Variants in ABCC1 observed in about 807,000 individuals in gnomAD.
ABCC1 encodes the protein multidrug resistance-associated protein 1.
A neutral mutation model predicts 172.9 loss-of-function variants in ABCC1; 83 were observed. The observed-to-expected ratio is 0.48, with a 90% CI of 0.40 to 0.58. The LOEUF (loss-of-function observed/expected upper bound fraction) is 0.58, where lower values mean the gene tolerates loss of function less well. ABCC1 is among the 20% of genes least tolerant of loss of function. ABCC1 has a pLI of 0.00. For synonymous variants in ABCC1, 937 were observed against 825.2 expected (o/e 1.14, Z -2.32); for missense variants, 1,817 against 2,002.7 (o/e 0.91, Z 1.77).
intron 8 of ABCC1, among the ~76,000 whole-genome samples, 164 bp from the exon 9 acceptor site, chr16:16,045,670 GCA>G (rs1401083204): frequency 6.6e-6 from 1 of 152,132 alleles, no homozygotes; most frequent in Non-Finnish European, 1.5e-5. Context: ...TGGGTCACCT[GCA>G]CAGCCAGATC....
intron 1 of ABCC1, among the ~76,000 whole-genome samples, chr16:15,996,682 C>T (rs1457989434): frequency 6.6e-6 from 1 of 152,146 alleles, no homozygotes; most frequent in African/African-American, 2.4e-5. Flanking sequence ...GGTGGAGCAT[C>T]TGTGCAGAAC....
At chr16:16,015,788 A>G (rs1272201134) in intron 4 of ABCC1, among the ~76,000 whole-genome samples, 1 of 152,116 alleles carries the variant, frequency 6.6e-6, no homozygotes. Context: ...TGGGTGCCAT[A>G]ACACTCCCAA....
chr16:16,074,875 C>T (rs539432293), intron 14 of ABCC1, among the ~76,000 whole-genome samples: 1 of 152,050 alleles, frequency 6.6e-6, no homozygotes, highest in African/African-American at 2.4e-5. Context: ...ACAAAAAATA[C>T]TCCTGTATTA....
chr16:16,124,337 G>GTGTGTGTGTGTGTGTA (rs150885815), intron 24 of ABCC1, among the ~76,000 whole-genome samples: 4 of 122,812 alleles, frequency 3.3e-5, no homozygotes, highest in Admixed American at 8.0e-5. Context: ...GTGTGTGTGT[G>GTGTGTGTGTGTGTGTA]TGTGTGTGTG....
intron 19 of ABCC1, among the ~76,000 whole-genome samples, chr16:16,090,973 C>T (rs1448143316): frequency 1.3e-5 from 2 of 152,054 alleles, no homozygotes; most frequent in Non-Finnish European, 2.9e-5. Context: ...ACATACGTGA[C>T]ACAAGAGATG....
At position 16,079,449 on chromosome 16, in the gene ABCC1, G is replaced by C. The variant is rs1379651047; in HGVS notation, c.2086G>C (p.Asp696His). The C allele has an allele frequency of 1.2e-6, 2 of 1,613,694 alleles. No individual in the cohort carries two copies. Among genetic ancestry groups the C allele is most frequent in the Admixed American group, 3.3e-5 (2 of 60,006 alleles). The change falls in exon 16 of 31, where the codon GAC (aspartate) becomes CAC (histidine). Residue 696 changes from aspartate (D) to histidine (H), a missense_variant. This residue lies in a region of ABCC1 where 1,412 missense variants were observed against 1,600.3 expected (regional missense o/e 0.88). Coordinates refer to ENST00000399410, the MANE Select transcript of ABCC1 (RefSeq NM_004996.4). The stretch of plus-strand genomic sequence containing the variant: ...GCTCTCAGCCCTCTTGGCTGAGATG[G>C]ACAAAGTGGAGGGGCACGTGGCTAT... ...SLLSALLAEM[D>H]KVEGHVAIKG...
chr16:16,052,756 G>A lies in ABCC1; in HGVS notation c.1413G>A (p.Ala471=), dbSNP rs376526430. The change falls in exon 11 of 31, where the codon GCG becomes GCA. Residue 471 remains alanine, a synonymous_variant. Coordinates refer to ENST00000399410, the MANE Select transcript of ABCC1 (RefSeq NM_004996.4). ...GCCCTTCCGTCCTGGCTGGAGTGGC[G>A]GTGATGGTCCTCATGGTGCCCGTCA... ...NLGPSVLAGV[A]VMVLMVPVNA... is the part of the protein sequence containing the mutation. The A allele has an allele frequency of 2.1e-4, 341 of 1,614,116 alleles. 1 individual carries two copies. Among genetic ancestry groups the A allele is most frequent in the Non-Finnish European group, 2.5e-4 (297 of 1,180,014 alleles).
rs45522835 is a variant in ABCC1, at chr16:15,957,782, G to A, written c.48+7983G>A. On this transcript the variant is annotated intron_variant, in intron 1 of 30. Coordinates refer to ENST00000399410, the MANE Select transcript of ABCC1 (RefSeq NM_004996.4). ...TAATTTTTGTGTTTTTGATAGAAAC[G>A]GGGTTTCCAGTATGTTGGCCAGCAT... Among the ~76,000 whole-genome samples the A allele has an allele frequency of 3.9e-5, 6 of 152,266 alleles. 1 individual carries two copies. The East Asian group carries it at 9.7e-4, about 25-fold the overall frequency.
chr16:16,128,107 T>C (rs2045517884), intron 26 of ABCC1, among the ~76,000 whole-genome samples: 1 of 151,834 alleles, frequency 6.6e-6, no homozygotes, highest in Non-Finnish European at 1.5e-5. Context: ...TTAGTTTTTA[T>C]AATAGCCTCA....
chr16:16,032,966 T>A, intron 5 of ABCC1, 143 bp from the exon 6 acceptor site: 1 of 708,646 alleles, frequency 1.4e-6, no homozygotes, highest in East Asian at 2.7e-5. Flanking sequence ...AGGGTCCTTT[T>A]GGGGTGCAGA....
intron 20 of ABCC1, among the ~76,000 whole-genome samples, chr16:16,106,197 C>G (rs1365937063): frequency 6.6e-6 from 1 of 151,986 alleles, no homozygotes; most frequent in African/African-American, 2.4e-5. Flanking sequence ...TTCTGAGTAA[C>G]ACGCTTGCAT....
chr16:16,010,013 G>T, intron 3 of ABCC1, 112 bp downstream of exon 3: 1 of 490,580 alleles, frequency 2.0e-6, no homozygotes, highest in Non-Finnish European at 3.0e-6. Context: ...ATCAGCTGGA[G>T]CTGGGATATA....
intron 10 of ABCC1, among the ~76,000 whole-genome samples, chr16:16,048,769 C>T (rs189602512): frequency 3.0e-4 from 45 of 152,268 alleles, no homozygotes; most frequent in African/African-American, 1.1e-3. Flanking sequence ...GGCAGATCAC[C>T]TGAGATCAGG....
At chr16:16,126,370 T>A (rs952804017) in intron 26 of ABCC1, among the ~76,000 whole-genome samples, 3 of 152,152 alleles carry the variant, frequency 2.0e-5, no homozygotes, top group Non-Finnish European at 4.4e-5. Flanking sequence ...AATAACCTTC[T>A]GTTATTTGTT....
At chr16:16,089,716 A>G (rs181753576) in intron 18 of ABCC1, among the ~76,000 whole-genome samples, 40 of 152,114 alleles carry the variant, frequency 2.6e-4, no homozygotes, top group African/African-American at 9.4e-4. Flanking sequence ...CTAAAATACA[A>G]CAACAAAAAA....
chr16:16,006,715 C>T (rs1042189457), intron 1 of ABCC1, among the ~76,000 whole-genome samples: 1 of 152,090 alleles, frequency 6.6e-6, no homozygotes, highest in African/African-American at 2.4e-5. Context: ...AGTATTTAAC[C>T]CTTCTGTGCC....
At chr16:15,974,559 A>G (rs2046442210) in intron 1 of ABCC1, among the ~76,000 whole-genome samples, 1 of 152,148 alleles carries the variant, frequency 6.6e-6, no homozygotes, top group African/African-American at 2.4e-5. Flanking sequence ...TTAATCATTC[A>G]GTTAGAGAGA....
Position 16,057,622 on chromosome 16 carries a change from G to A in ABCC1, c.1677+1327G>A, listed in dbSNP as rs139520801. On this transcript the variant is annotated intron_variant, in intron 12 of 30. Transcript: ENST00000399410. ...TCCTCCCTTCTAAAGTGACAGTTTCGTGTACGCTTTTAGAGAAAAATGGAC... is the reference window on the plus strand; with the variant it reads ...TCCTCCCTTCTAAAGTGACAGTTTCATGTACGCTTTTAGAGAAAAATGGAC... Among the ~76,000 whole-genome samples the A allele has an allele frequency of 2.4e-3, 365 of 151,888 alleles. 3 individuals are homozygous for A. Among genetic ancestry groups the A allele is most frequent in the African/African-American group, 8.1e-3 (337 of 41,414 alleles).
At chr16:16,082,900 G>A (rs986168182) in intron 16 of ABCC1, among the ~76,000 whole-genome samples, 1 of 152,076 alleles carries the variant, frequency 6.6e-6, no homozygotes, top group Non-Finnish European at 1.5e-5. Context: ...TGCCTGCCTT[G>A]GCCTCCCAAA....
Sources: allele counts gnomAD v4.1 joint callset (sites outside exome capture counted in the v4.1 genomes callset), GRCh38; gene constraint gnomAD v4.1.1; regional missense constraint gnomAD v4.1.1; transcripts MANE v1.5; gene names NCBI Gene and HGNC (gene_info 2026-07-23, HGNC 2026-07-21).